ZBTB32: variants seen among roughly 807,000 people sequenced by gnomAD.
The protein encoded by ZBTB32 is zinc finger and BTB domain-containing protein 32.
A neutral mutation model predicts 45.3 loss-of-function variants in ZBTB32; 28 were observed. That is an observed-to-expected ratio of 0.62 (90% CI 0.46 to 0.85). The LOEUF (loss-of-function observed/expected upper bound fraction) is 0.85. Among genes scored for constraint, ZBTB32 ranks in the 40% least tolerant of loss-of-function variants. The pLI, the probability that ZBTB32 is intolerant of heterozygous loss-of-function variation, is 0.00. For missense variants in ZBTB32, 587 were observed against 624.4 expected (o/e 0.94, Z 0.64); for synonymous variants, 283 against 255.7 (o/e 1.11, Z -1.02).
At position 35,714,726 on chromosome 19, in the gene ZBTB32, A is replaced by G; in HGVS notation, c.100A>G (p.Thr34Ala). The change falls in exon 3 of 7, where the codon ACC (threonine) becomes GCC (alanine). Residue 34 changes from threonine to alanine, a missense_variant. Transcript: ENST00000392197. ...LRPALCDTLI[T>A]VGSQEFPAHS... ...GCCAGCACTCTGTGATACTCTGATC[A>G]CCGTAGGGAGCCAGGAGTTCCCCGC... 3.1e-6 allele frequency: 5 copies of G among 1,613,924 alleles called. No individual in the cohort carries two copies. The highest frequency in any genetic ancestry group is 3.4e-6 in the Non-Finnish European group (4 of 1,179,996).
intron 2 of ZBTB32, among the ~76,000 whole-genome samples, chr19:35,713,937 G>C (rs1376705454): frequency 2.0e-5 from 3 of 152,184 alleles, no homozygotes; most frequent in African/African-American, 7.2e-5. Context: ...TCTTTCTCTG[G>C]ATGGGAATGT....
At position 35,716,315 on chromosome 19, in the gene ZBTB32, T is replaced by A. The variant is rs1330393878; in HGVS notation, c.1189+18T>A. ...CCACACAGGTATGGGCGCCCTGCCC[T>A]GTGTGAACTGTCGGCTTTCTTCCCA... On this transcript the variant is annotated intron_variant, in intron 6 of 6. Coordinates refer to ENST00000392197, the MANE Select transcript of ZBTB32 (RefSeq NM_014383.3). The A allele has an allele frequency of 2.5e-6, 4 of 1,612,908 alleles. No individual in the cohort carries two copies. In the African/African-American group the frequency reaches 5.3e-5, roughly 21 times the overall value.
At chr19:35,713,179 CTTCT>C (rs1220328610) in intron 2 of ZBTB32, 146 bp downstream of exon 2, 1 of 152,244 alleles carries the variant, frequency 6.6e-6, no homozygotes, top group Non-Finnish European at 1.5e-5. Context: ...CACAGATACA[CTTCT>C]TTGACTCTAG....
intron 6 of ZBTB32, 48 bp from the exon 7 acceptor site, chr19:35,716,430 C>A: frequency 6.3e-7 from 1 of 1,585,996 alleles, no homozygotes. Context: ...GGCCAGCTTT[C>A]GCCGCCTTCT....
At chr19:35,715,681 G>C (rs748916046) in intron 3 of ZBTB32, 76 bp from the exon 4 acceptor site, 69 of 1,513,836 alleles carry the variant, frequency 4.6e-5, no homozygotes, top group Non-Finnish European at 4.1e-5. Flanking sequence ...GGGAGGACTT[G>C]GGATACCCCC....
At position 35,706,182 on chromosome 19, in the gene ZBTB32, C is replaced by T. The variant is rs181315910; in HGVS notation, c.-222+1559C>T. Among the ~76,000 whole-genome samples the T allele has an allele frequency of 7.6e-3, 1,132 of 148,960 alleles. 6 individuals are homozygous for T. The highest frequency in any genetic ancestry group is 0.011 in the Non-Finnish European group (770 of 67,696). On this transcript the variant is annotated intron_variant, in intron 1 of 6. Transcript: ENST00000392197. ...GGCGGAGGTTGCGGTGAGCCGAGAT[C>T]GTGCCATTGCACTCCAGCCTGGGCA...
intron 1 of ZBTB32, among the ~76,000 whole-genome samples, chr19:35,711,893 C>G (rs1251263731): frequency 6.6e-6 from 1 of 151,848 alleles, no homozygotes; most frequent in Admixed American, 6.6e-5. Flanking sequence ...GGCGTGGTGG[C>G]GGGCGCCTGT....
chr19:35,714,532 G>A lies in ZBTB32; in HGVS notation c.-95G>A. On this transcript the variant is annotated 5_prime_UTR_variant, in exon 3 of 7. It removes an upstream start codon present in the reference 5' UTR. Transcript: ENST00000392197. ...CCCCTCACATCCACAGGCTTGAAAT[G>A]AGATGAGATGTTCCTCCCTCCCCTT... 1 of 1,339,628 alleles carries A rather than the reference G, an allele frequency of 7.5e-7. No individual in the cohort carries two copies. The highest frequency in any genetic ancestry group is 2.6e-5 in the East Asian group (1 of 39,202). The allele number at this position is 1,339,628 out of a possible 1,614,324, so 83.0% of individuals were successfully genotyped here.
Position 35,715,392 on chromosome 19 carries a change from G to A in ZBTB32, c.766G>A (p.Val256Met), listed in dbSNP as rs758616095. 16 of 1,611,856 alleles carry A rather than the reference G, an allele frequency of 9.9e-6. No individual in the cohort carries two copies. Among genetic ancestry groups the A allele is most frequent in the Non-Finnish European group, 1.4e-5 (16 of 1,179,322 alleles). Residue 256 changes from valine (V) to methionine (M), a missense_variant, in exon 3 of 7, where the codon GTG (valine) becomes ATG (methionine). Coordinates refer to ENST00000392197, the MANE Select transcript of ZBTB32 (RefSeq NM_014383.3). ...RPSWAEAPWLVGGQPALWSIL... is the reference protein window; with the variant it reads ...RPSWAEAPWLMGGQPALWSIL... Reference sequence around the variant, plus strand: ...CTCGTGGGCTGAGGCCCCTTGGTTGGTGGGGGGCCAGCCTGCCCTGTGGAG... The same window carrying A: ...CTCGTGGGCTGAGGCCCCTTGGTTGATGGGGGGCCAGCCTGCCCTGTGGAG...
intron 1 of ZBTB32, among the ~76,000 whole-genome samples, chr19:35,708,975 C>T (rs1391163215): frequency 1.3e-5 from 2 of 152,136 alleles, no homozygotes; most frequent in African/African-American, 4.8e-5. Flanking sequence ...TGTGCCGCCA[C>T]GCCCAGCTAA....
intron 6 of ZBTB32, 53 bp from the exon 7 acceptor site, chr19:35,716,425 G>T: frequency 6.3e-7 from 1 of 1,585,288 alleles, no homozygotes; most frequent in South Asian, 1.1e-5. Flanking sequence ...AACTTGGCCA[G>T]CTTTCGCCGC....
At chr19:35,712,342 G>A (rs1220553993) in intron 1 of ZBTB32, among the ~76,000 whole-genome samples, 1 of 152,094 alleles carries the variant, frequency 6.6e-6, no homozygotes, top group Admixed American at 6.5e-5. Flanking sequence ...CAAACCTGTA[G>A]TCCCAGCTAC....
chr19:35,714,443 G>A, intron 2 of ZBTB32, 80 bp from the exon 3 acceptor site: 1 of 566,122 alleles, frequency 1.8e-6, no homozygotes. Flanking sequence ...TCCTCTCTTG[G>A]GTTACTTTAT....
intron 1 of ZBTB32, among the ~76,000 whole-genome samples, chr19:35,708,860 T>G (rs1968614573): frequency 6.6e-6 from 1 of 151,424 alleles, no homozygotes; most frequent in Non-Finnish European, 1.5e-5. Flanking sequence ...CTCTTGTTGC[T>G]CAGGCTAGAG....
Position 35,716,263 on chromosome 19 carries a change from G to A in ZBTB32, c.1155G>A (p.Lys385=). 3 of 1,613,120 alleles carry A rather than the reference G, an allele frequency of 1.9e-6. No individual in the cohort carries two copies. The South Asian group carries it at 3.3e-5, about 18-fold the overall frequency. Residue 385 remains lysine, a synonymous_variant, in exon 6 of 7, where the codon AAG becomes AAA. Coordinates refer to ENST00000392197, the MANE Select transcript of ZBTB32 (RefSeq NM_014383.3). The part of the protein sequence containing the change: ...CSVCGKRFSL[K]HQMETHYRVH... ...TCTGTGGAAAGAGGTTTTCACTCAA[G>A]CATCAGATGGAGACGCACTACCGAG...
chr19:35,712,052 A>AAAAG (rs1420122575), intron 1 of ZBTB32, among the ~76,000 whole-genome samples: 6 of 141,410 alleles, frequency 4.2e-5, no homozygotes, highest in African/African-American at 1.4e-4. Flanking sequence ...AAAAAAAAAA[A>AAAAG]GAGAAGCCTA....
chr19:35,706,604 C>T (rs1968550773), intron 1 of ZBTB32, among the ~76,000 whole-genome samples: 1 of 152,032 alleles, frequency 6.6e-6, no homozygotes, highest in African/African-American at 2.4e-5. Context: ...CCTGTAATCC[C>T]AGCTACTTAG....
intron 1 of ZBTB32, among the ~76,000 whole-genome samples, chr19:35,707,936 C>T (rs173002): frequency 6.6e-6 from 1 of 151,974 alleles, no homozygotes; most frequent in African/African-American, 2.4e-5. Flanking sequence ...GAGCCAAGAT[C>T]GTGCCACTGC....
chr19:35,713,353 A>G (rs1477826462), intron 2 of ZBTB32: 1 of 152,328 alleles, frequency 6.6e-6, no homozygotes, highest in Non-Finnish European at 1.5e-5. Context: ...GGGACATCCA[A>G]TGGAGGCCTG....
Sources: allele counts gnomAD v4.1 joint callset (sites outside exome capture counted in the v4.1 genomes callset), GRCh38; gene constraint gnomAD v4.1.1; transcripts MANE v1.5; gene names NCBI Gene and HGNC (gene_info 2026-07-23, HGNC 2026-07-21).